Variants in GRB10 observed in about 807,000 individuals in gnomAD.
GRB10 encodes the protein growth factor receptor bound protein 10.
In GRB10, 20 loss-of-function variants were observed where a neutral mutation model predicts 80.9. The observed-to-expected ratio is 0.25, with a 90% CI of 0.17 to 0.36. GRB10 has a LOEUF of 0.36. Among genes scored for constraint, GRB10 ranks in the 10% least tolerant of loss-of-function variants. GRB10 has a pLI of 1.00. For synonymous variants in GRB10, 291 were observed against 291.5 expected (o/e 1.00, Z 0.02); for missense variants, 548 against 747.7 (o/e 0.73, Z 3.12).
intron 4 of GRB10, among the ~76,000 whole-genome samples, chr7:50,726,734 A>G (rs926624756): frequency 3.3e-5 from 5 of 152,212 alleles, no homozygotes; most frequent in Admixed American, 1.3e-4. Flanking sequence ...GCTGTTGTTA[A>G]AACTGACTTA....
rs536141857 is a variant in GRB10, at chr7:50,592,782, G to A, written c.*170C>T. Reference sequence around the variant, plus strand: ...CCTGCTGGGTTCACAGCAGCAAATCGTCGTTTAAGTCCAACAAACTAGTCA... The same window carrying A: ...CCTGCTGGGTTCACAGCAGCAAATCATCGTTTAAGTCCAACAAACTAGTCA... On this transcript the variant is annotated 3_prime_UTR_variant, in exon 19 of 19. Transcript: ENST00000401949. The A allele has an allele frequency of 4.1e-5, 31 of 764,950 alleles. No individual in the cohort carries two copies. The highest frequency in any genetic ancestry group is 3.8e-4 in the Middle Eastern group (1 of 2,656). The allele number at this position is 764,950 out of a possible 1,614,324, so 47.4% of individuals were successfully genotyped here.
intron 15 of GRB10, chr7:50,604,824 T>G: frequency 3.4e-6 from 1 of 295,726 alleles, no homozygotes; most frequent in Non-Finnish European, 6.4e-6. Context: ...GGCCTTTAAG[T>G]CTCAGGACTT....
intron 7 of GRB10, among the ~76,000 whole-genome samples, chr7:50,653,944 C>T (rs181063783): frequency 2.0e-4 from 30 of 152,320 alleles, no homozygotes; most frequent in African/African-American, 5.8e-4. Context: ...TGTAACCATG[C>T]GGCTGTCACT....
At chr7:50,774,167 A>G (rs1384676685) in intron 2 of GRB10, among the ~76,000 whole-genome samples, 1 of 152,216 alleles carries the variant, frequency 6.6e-6, no homozygotes, top group East Asian at 1.9e-4. Context: ...ATGCAGACAG[A>G]AAGTAGAGTT....
At chr7:50,608,346 T>C (rs1041731027) in intron 13 of GRB10, among the ~76,000 whole-genome samples, 2 of 152,134 alleles carry the variant, frequency 1.3e-5, no homozygotes, top group East Asian at 1.9e-4. Context: ...ACCGCTAACC[T>C]TGCATCCTAT....
At chr7:50,790,551 G>A (rs556169398) in intron 1 of GRB10, among the ~76,000 whole-genome samples, 2 of 152,372 alleles carry the variant, frequency 1.3e-5, no homozygotes, top group South Asian at 4.1e-4. Flanking sequence ...CGGAGCAAAC[G>A]TGCAAAGGCA....
At chr7:50,642,755 C>T (rs1048623093) in intron 7 of GRB10, among the ~76,000 whole-genome samples, 1 of 151,738 alleles carries the variant, frequency 6.6e-6, no homozygotes, top group Non-Finnish European at 1.5e-5. Context: ...CATTATACTC[C>T]TACACACACA....
At chr7:50,755,612 G>A (rs370931353) in intron 3 of GRB10, among the ~76,000 whole-genome samples, 3 of 152,052 alleles carry the variant, frequency 2.0e-5, no homozygotes, top group Non-Finnish European at 4.4e-5. Flanking sequence ...AGGCATGTCC[G>A]CGAGGAGAGT....
chr7:50,626,111 GA>G (rs1269155885), intron 8 of GRB10, among the ~76,000 whole-genome samples: 3 of 152,306 alleles, frequency 2.0e-5, no homozygotes, highest in African/African-American at 4.8e-5. Flanking sequence ...GCAAAAGTCT[GA>G]AAAGCTTTTT....
chr7:50,669,143 C>T (rs2060103529), intron 7 of GRB10, among the ~76,000 whole-genome samples: 1 of 152,210 alleles, frequency 6.6e-6, no homozygotes. Context: ...CATCTTTAAA[C>T]ATCAAATCAT....
chr7:50,607,630 C>A (rs2048767468), intron 13 of GRB10, among the ~76,000 whole-genome samples: 1 of 152,244 alleles, frequency 6.6e-6, no homozygotes, highest in Admixed American at 6.5e-5. Flanking sequence ...TATAATTATC[C>A]CCATGTTACA....
chr7:50,618,686 T>C (rs1303033828), intron 9 of GRB10, among the ~76,000 whole-genome samples: 4 of 152,200 alleles, frequency 2.6e-5, no homozygotes, highest in African/African-American at 7.2e-5. Context: ...TATCCTGGCC[T>C]CTCACAGGAC....
chr7:50,666,594 C>T (rs1240245254), intron 7 of GRB10, among the ~76,000 whole-genome samples: 2 of 152,202 alleles, frequency 1.3e-5, no homozygotes, highest in African/African-American at 2.4e-5. Flanking sequence ...CACTCTCCCA[C>T]CCTGTCCCAG....
intron 4 of GRB10, among the ~76,000 whole-genome samples, chr7:50,730,975 C>T (rs1418971592): frequency 2.6e-5 from 4 of 152,166 alleles, no homozygotes; most frequent in Admixed American, 1.3e-4. Flanking sequence ...AGGGTGCAGT[C>T]GGGCCCGGAC....
At chr7:50,642,163 G>A (rs190814475) in intron 7 of GRB10, among the ~76,000 whole-genome samples, 4 of 152,220 alleles carry the variant, frequency 2.6e-5, no homozygotes, top group Non-Finnish European at 4.4e-5. Flanking sequence ...AGCAGGAGGC[G>A]GAACCAGCAG....
intron 7 of GRB10, among the ~76,000 whole-genome samples, chr7:50,633,125 C>T (rs4947737): frequency 0.34 from 52,026 of 152,144 alleles, 9,872 homozygotes; most frequent in South Asian, 0.43. Context: ...AACTGCATAA[C>T]TCAAAGTAAT....
At chr7:50,768,086 G>A (rs986644481) in intron 2 of GRB10, among the ~76,000 whole-genome samples, 4 of 152,130 alleles carry the variant, frequency 2.6e-5, no homozygotes, top group African/African-American at 4.8e-5. Flanking sequence ...AGCTGGGTCC[G>A]CTCAAACCTC....
rs149097682 is a variant in GRB10 at position 50,726,552 on chromosome 7, T to C, written c.51+5720A>G. The stretch of plus-strand genomic sequence containing the variant: ...AAAAGAAAAGCACTGAGAATAAATA[T>C]ATACATATTTATGTATTTTTATTTC... On this transcript the variant is annotated intron_variant, in intron 4 of 18. Coordinates refer to ENST00000401949, the MANE Select transcript of GRB10 (RefSeq NM_001350814.2). Among the ~76,000 whole-genome samples, 190 of 152,278 alleles carry C rather than the reference T, an allele frequency of 1.2e-3. 1 individual carries two copies. Among genetic ancestry groups the C allele is most frequent in the African/African-American group, 4.4e-3 (182 of 41,564 alleles).
intron 1 of GRB10, chr7:50,792,490 T>C: frequency 2.5e-6 from 1 of 398,504 alleles, no homozygotes; most frequent in Non-Finnish European, 4.4e-6. Context: ...AGGCAGGCGT[T>C]TGGAGAGGCA....
Sources: gnomAD v4.1 joint callset for allele counts (sites outside exome capture counted in the v4.1 genomes callset) on GRCh38, gnomAD v4.1.1 for gene constraint, MANE v1.5 for transcripts, NCBI Gene and HGNC (gene_info 2026-07-23, HGNC 2026-07-21) for gene names.